The following SLC52A3 variants were observed in gnomAD, a reference collection of about 807,000 sequenced individuals.
SLC52A3 encodes the protein solute carrier family 52, riboflavin transporter, member 3.
SLC52A3 carries 20 observed loss-of-function variants against 29.5 expected under a neutral mutation model. The observed-to-expected ratio is 0.68, with a 90% confidence interval of 0.48 to 0.99. The LOEUF is 0.99. SLC52A3 is among the 50% of genes least tolerant of loss of function. The pLI, the probability that SLC52A3 is intolerant of heterozygous loss-of-function variation, is 0.00. For missense variants in SLC52A3, 548 were observed against 612.9 expected (o/e 0.89, Z 1.12); for synonymous variants, 301 against 271.0 (o/e 1.11, Z -1.09).
chr20:766,386 AAC>A (rs1323496427), intron 1 of SLC52A3: 1 of 153,852 alleles, frequency 6.5e-6, no homozygotes, highest in African/African-American at 2.4e-5. Context: ...ACACGGGGAA[AAC>A]ATTTGCCACA....
At chr20:761,892 C>T in intron 3 of SLC52A3, 68 bp from the exon 4 acceptor site, 3 of 1,609,854 alleles carry the variant, frequency 1.9e-6, no homozygotes, top group Non-Finnish European at 2.5e-6. Context: ...CCCCACTGGG[C>T]GGCATGTGGA....
chr20:761,770 G>C lies in SLC52A3; in HGVS notation c.1128C>G (p.Tyr376Ter). 1.2e-6 allele frequency: 2 copies of C among 1,614,194 alleles called. No homozygotes were observed. Among genetic ancestry groups the C allele is most frequent in the Non-Finnish European group, 1.7e-6 (2 of 1,180,010 alleles). Residue 376 changes from tyrosine (Y) to a stop codon, truncating the protein, a stop_gained, in exon 4 of 5, where the codon TAC becomes TAG. Transcript: ENST00000645534. LOFTEE classifies it high-confidence loss of function. The part of the protein sequence containing the change: ...LSVLGTCFGG[Y>*]NMAMAVMSPC... ...GGCTCATCACCGCCATGGCCATGTT[G>C]TAGCCCCCAAAGCAGGTCCCAAGCA... is the stretch of plus-strand genomic sequence containing the variant.
At chr20:773,931 C>T (rs912073516) in intron 1 of SLC52A3, among the ~76,000 whole-genome samples, 2 of 152,150 alleles carry the variant, frequency 1.3e-5, no homozygotes, top group Non-Finnish European at 2.9e-5. Flanking sequence ...CCAATGTCCC[C>T]CGCCCCCCTC....
intron 2 of SLC52A3, among the ~76,000 whole-genome samples, chr20:764,758 G>T (rs1338229171): frequency 6.6e-6 from 1 of 152,216 alleles, no homozygotes; most frequent in African/African-American, 2.4e-5. Flanking sequence ...ATTTTTATTA[G>T]TAAAGCTATC....
chr20:776,865 G>T (rs529513442), upstream of SLC52A3, among the ~76,000 whole-genome samples: 3 of 151,028 alleles, frequency 2.0e-5, no homozygotes, highest in Admixed American at 1.3e-4. Flanking sequence ...TTGGGGGGGG[G>T]GCCACAGGAG....
upstream of SLC52A3, among the ~76,000 whole-genome samples, chr20:769,240 G>A (rs954274942): frequency 6.6e-6 from 1 of 152,228 alleles, no homozygotes; most frequent in African/African-American, 2.4e-5. Flanking sequence ...GGAGGGGATG[G>A]CAAGCAACCT....
upstream of SLC52A3, among the ~76,000 whole-genome samples, chr20:779,337 G>A (rs1208921023): frequency 6.6e-6 from 1 of 152,166 alleles, no homozygotes; most frequent in Admixed American, 6.5e-5. Context: ...AAAGTGATGA[G>A]GGGGCCGGGC....
upstream of SLC52A3, among the ~76,000 whole-genome samples, chr20:772,814 G>C (rs925952714): frequency 2.0e-5 from 3 of 152,156 alleles, 1 homozygote; most frequent in South Asian, 4.1e-4. Context: ...CTCCTGAATG[G>C]GGAATGTGCC....
Position 760,908 on chromosome 20 carries a change from G to A in SLC52A3, c.*118C>T. The A allele has an allele frequency of 9.4e-7, 1 of 1,059,740 alleles. No homozygotes were observed. The highest frequency in any genetic ancestry group is 2.6e-5 in the East Asian group (1 of 38,276). 65.6% of individuals were successfully genotyped at this position (1,059,740 alleles called of 1,614,324 possible). A position where few individuals can be genotyped will look rare whatever the true frequency, so the allele number is the denominator to read the frequency against. On this transcript the variant is annotated 3_prime_UTR_variant, in exon 5 of 5. Coordinates refer to ENST00000645534, the MANE Select transcript of SLC52A3 (RefSeq NM_033409.4). This position sits in a 1 kb window ranked among gnomAD's most constrained non-coding sequence, Gnocchi z 4.9. ...TCCCCACAGTCCCCAGTGGGCACTT[G>A]CGTTCATGATTCAATTACTCAGGCT...
In SLC52A3 at chr20:761,728, C is replaced by A; in HGVS notation, c.1170G>T (p.Gln390His). 1 of 1,614,072 alleles carries A rather than the reference C, an allele frequency of 6.2e-7. No homozygotes were observed. The highest frequency in any genetic ancestry group is 8.5e-7 in the Non-Finnish European group (1 of 1,179,992). ...TGAGGACTTCCCCACCCCAGTGGCC[C>A]TGCAAGAGGGGGCAGGGGCTCATCA... ...MAVMSPCPLL[Q>H]GHWGGEVLIV... Residue 390 changes from glutamine (Q) to histidine (H), a missense_variant, in exon 4 of 5, where the codon CAG (glutamine) becomes CAT (histidine). By Grantham distance (24) the Gln-to-His change is conservative (BLOSUM62 0). This residue lies in a region of SLC52A3 where 173 missense variants were observed against 141.8 expected (regional missense o/e 1.22). Coordinates refer to ENST00000645534, the MANE Select transcript of SLC52A3 (RefSeq NM_033409.4).
upstream of SLC52A3, among the ~76,000 whole-genome samples, chr20:771,685 A>AAC (rs11474196): frequency 6.7e-6 from 1 of 149,072 alleles, no homozygotes; most frequent in Non-Finnish European, 1.5e-5. Context: ...AAAAAAAAAA[A>AAC]GGAGAAGAGA....
chr20:763,406 A>T, intron 3 of SLC52A3, 92 bp downstream of exon 3: 1 of 1,542,068 alleles, frequency 6.5e-7, no homozygotes, highest in Non-Finnish European at 8.9e-7. Flanking sequence ...CTTAACCACT[A>T]CATGTACAGC....
At chr20:779,292 A>G (rs575068407), upstream of SLC52A3, among the ~76,000 whole-genome samples, 18 of 152,338 alleles carry the variant, frequency 1.2e-4, no homozygotes, top group South Asian at 2.9e-3. Flanking sequence ...AAATTTTATA[A>G]AAGGGAATTT....
chr20:761,788 C>T lies in SLC52A3; in HGVS notation c.1110G>A (p.Gly370=). 6.2e-7 allele frequency: 1 copy of T among 1,614,176 alleles called. No individual in the cohort carries two copies. Among genetic ancestry groups the T allele is most frequent in the Non-Finnish European group, 8.5e-7 (1 of 1,180,012 alleles). The part of the protein sequence containing the change: ...LLFLGVLSVL[G]TCFGGYNMAM... ...CCATGTTGTAGCCCCCAAAGCAGGTCCCAAGCACGGAGAGGACCCCCAGGA... is the reference window on the plus strand; with the variant it reads ...CCATGTTGTAGCCCCCAAAGCAGGTTCCAAGCACGGAGAGGACCCCCAGGA... Residue 370 remains glycine (G), a synonymous_variant, in exon 4 of 5, where the codon GGG becomes GGA. Transcript: ENST00000645534.
intron 1 of SLC52A3, among the ~76,000 whole-genome samples, chr20:774,049 G>A (rs1378356536): frequency 6.6e-6 from 1 of 152,236 alleles, no homozygotes; most frequent in Non-Finnish European, 1.5e-5. Context: ...TCCCATTGGA[G>A]TGTAATCTCC....
upstream of SLC52A3, among the ~76,000 whole-genome samples, chr20:768,950 A>T (rs933003776): frequency 6.6e-6 from 1 of 151,922 alleles, no homozygotes; most frequent in Non-Finnish European, 1.5e-5. Flanking sequence ...CCTCCAGGAG[A>T]CCTCTGGCTG....
chr20:765,208 C>T lies in SLC52A3; in HGVS notation c.567G>A (p.Gln189=). The change falls in exon 2 of 5, where the codon CAG becomes CAA. Residue 189 remains glutamine, a splice_region_variant and synonymous_variant. Coordinates refer to ENST00000645534, the MANE Select transcript of SLC52A3 (RefSeq NM_033409.4). The surrounding 1 kb of genome is among the most constrained non-coding windows in gnomAD (Gnocchi z 6.6). ...GATGGCTCCGGGTGATGCTGGGTAC[C>T]TGTGCGATGTCAGTCTCCCTCGTGG... The part of the protein sequence containing the change: ...PVPTRETDIA[Q]GVPRALVSAL... 6.2e-7 allele frequency: 1 copy of T among 1,614,124 alleles called. No homozygotes were observed. Among genetic ancestry groups the T allele is most frequent in the Non-Finnish European group, 8.5e-7 (1 of 1,180,036 alleles).
At chr20:762,598 G>A (rs1986528227) in intron 3 of SLC52A3, among the ~76,000 whole-genome samples, 1 of 152,204 alleles carries the variant, frequency 6.6e-6, no homozygotes, top group African/African-American at 2.4e-5. Context: ...AAGATTCTTG[G>A]ATTCCATGAC....
At chr20:772,745 T>C (rs1336972532), upstream of SLC52A3, among the ~76,000 whole-genome samples, 1 of 152,000 alleles carries the variant, frequency 6.6e-6, no homozygotes, top group African/African-American at 2.4e-5. Context: ...CGAAGCAGAA[T>C]AAAAAACAGA....
Sources: gnomAD v4.1 joint callset for allele counts (sites outside exome capture counted in the v4.1 genomes callset) on GRCh38, gnomAD v4.1.1 for gene constraint, gnomAD v4.1.1 regional missense constraint, Gnocchi (gnomAD v3.1) non-coding constraint, MANE v1.5 for transcripts, NCBI Gene and HGNC (gene_info 2026-07-23, HGNC 2026-07-21) for gene names.